Variants in GANAB observed in about 807,000 individuals in gnomAD.
GANAB encodes neutral alpha-glucosidase AB.
In GANAB, 35 loss-of-function variants were observed where a neutral mutation model predicts 129.9. The ratio of observed to expected loss-of-function variants is 0.27; its 90% CI spans 0.21 to 0.36. The LOEUF (loss-of-function observed/expected upper bound fraction) is 0.36. GANAB is among the 10% of genes least tolerant of loss of function. The pLI is 1.00. For synonymous variants in GANAB, 482 were observed against 451.8 expected (o/e 1.07, Z -0.85); for missense variants, 939 against 1,221.0 (o/e 0.77, Z 3.44).
chr11:62,636,893 C>T (rs181406684), intron 4 of GANAB, among the ~76,000 whole-genome samples: 11 of 152,196 alleles, frequency 7.2e-5, no homozygotes, highest in Admixed American at 1.3e-4. Context: ...CACTACTGCA[C>T]TCAGCCTAAG....
chr11:62,633,763 CTG>C, intron 5 of GANAB: 1 of 567,240 alleles, frequency 1.8e-6, no homozygotes, highest in African/African-American at 1.9e-5. Flanking sequence ...ACACCAGCCT[CTG>C]TCAACATCCC....
intron 1 of GANAB, among the ~76,000 whole-genome samples, chr11:62,645,631 G>A (rs146418574): frequency 1.3e-5 from 2 of 152,180 alleles, no homozygotes; most frequent in African/African-American, 2.4e-5. Context: ...TGCCAATGGA[G>A]ATAGGATTCC....
rs2134530276 is a variant in GANAB, at chr11:62,639,223, C to A, written c.253-113G>T. The A allele has an allele frequency of 2.2e-6, 3 of 1,336,562 alleles. No individual in the cohort carries two copies. In the South Asian group the frequency reaches 3.6e-5, roughly 16 times the overall value. 82.8% of individuals were successfully genotyped at this position (1,336,562 alleles called of 1,614,324 possible). On this transcript the variant is annotated intron_variant, in intron 3 of 23. Coordinates refer to ENST00000356638, the MANE Select transcript of GANAB (RefSeq NM_198334.3). ...TTCCTTTGAGCCCTTTGCCTAAAGGCCAAGATCACATTTCTTCATAAAGTA... is the reference window on the plus strand; with the variant it reads ...TTCCTTTGAGCCCTTTGCCTAAAGGACAAGATCACATTTCTTCATAAAGTA...
At chr11:62,634,167 G>A (rs1169316113) in intron 5 of GANAB, 4 of 617,862 alleles carry the variant, frequency 6.5e-6, no homozygotes, top group Non-Finnish European at 1.2e-5. Flanking sequence ...AGGGTAACAG[G>A]TAACAGGACC....
intron 18 of GANAB, 81 bp downstream of exon 18, chr11:62,627,208 A>G (rs1943434427): frequency 7.2e-7 from 1 of 1,394,164 alleles, no homozygotes; most frequent in African/African-American, 1.4e-5. Flanking sequence ...CTGCACCACC[A>G]GCTTCACTAG....
At position 62,631,383 on chromosome 11, in the gene GANAB, C is replaced by T. The variant is rs545953315; in HGVS notation, c.997-200G>A. Among the ~76,000 whole-genome samples, 139 of 152,082 alleles carry T rather than the reference C, an allele frequency of 9.1e-4. 1 individual carries two copies. Among genetic ancestry groups the T allele is most frequent in the Non-Finnish European group, 1.8e-4 (12 of 67,946 alleles). ...AGCAGTACAGCCCCCACCCCTACCCCACCAGTTTGGGGTGGTTAAGTGCTA... is the reference window on the plus strand; with the variant it reads ...AGCAGTACAGCCCCCACCCCTACCCTACCAGTTTGGGGTGGTTAAGTGCTA... On this transcript the variant is annotated intron_variant, in intron 9 of 23. Transcript: ENST00000356638.
rs1590787956 is a variant in GANAB, at chr11:62,625,473, T to C, written c.*342A>G. 1 of 400,750 alleles carries C rather than the reference T, an allele frequency of 2.5e-6. No individual in the cohort carries two copies. Among genetic ancestry groups the C allele is most frequent in the East Asian group, 6.0e-5 (1 of 16,720 alleles). The allele number at this position is 400,750 out of a possible 1,614,324, so 24.8% of individuals were successfully genotyped here. A position where few individuals can be genotyped will look rare whatever the true frequency, so the allele number is the denominator to read the frequency against. On this transcript the variant is annotated 3_prime_UTR_variant, in exon 24 of 24. Coordinates refer to ENST00000356638, the MANE Select transcript of GANAB (RefSeq NM_198334.3). ...ATACAAGAGGCATGAATGGATAGAC[T>C]CTGGGGGAGTTCAGGGCTCCTAAAT...
intron 4 of GANAB, among the ~76,000 whole-genome samples, chr11:62,638,570 A>G (rs1944054459): frequency 6.7e-6 from 1 of 149,574 alleles, no homozygotes; most frequent in African/African-American, 2.5e-5. Context: ...ATATCTAAGG[A>G]AAAGGAAAGG....
chr11:62,645,383 A>G (rs1944432886), intron 1 of GANAB, among the ~76,000 whole-genome samples: 2 of 152,104 alleles, frequency 1.3e-5, no homozygotes, highest in Non-Finnish European at 2.9e-5. Flanking sequence ...AAAAATACAA[A>G]AAAATAGCCA....
In GANAB at chr11:62,625,758, A is replaced by G. The variant is rs1255391460; in HGVS notation, c.*57T>C. 4.2e-5 allele frequency: 45 copies of G among 1,081,796 alleles called. No homozygotes were observed. The highest frequency in any genetic ancestry group is 5.6e-5 in the Non-Finnish European group (39 of 698,942). 67.0% of individuals were successfully genotyped at this position (1,081,796 alleles called of 1,614,324 possible). A position where few individuals can be genotyped will look rare whatever the true frequency, so the allele number is the denominator to read the frequency against. On this transcript the variant is annotated 3_prime_UTR_variant, in exon 24 of 24. Coordinates refer to ENST00000356638, the MANE Select transcript of GANAB (RefSeq NM_198334.3). ...GCCGAACTCCAAGGCAGAAGAAAGAATATCTCTCAGCACTAATGCTCCCCT... is the reference window on the plus strand; with the variant it reads ...GCCGAACTCCAAGGCAGAAGAAAGAGTATCTCTCAGCACTAATGCTCCCCT...
At chr11:62,635,078 A>T in intron 4 of GANAB, 78 bp from the exon 5 acceptor site, 2 of 1,031,566 alleles carry the variant, frequency 1.9e-6, no homozygotes, top group Admixed American at 3.9e-5. Context: ...GACCGGGGGA[A>T]ATCTACCTGT....
At chr11:62,638,761 G>A (rs926104872) in intron 4 of GANAB, among the ~76,000 whole-genome samples, 39 of 152,130 alleles carry the variant, frequency 2.6e-4, no homozygotes, top group African/African-American at 9.4e-4. Context: ...GCCTGTCAGG[G>A]AGGAAAAAGC....
rs761031709 is a variant in GANAB at position 62,628,782 on chromosome 11, T to C, written c.2167A>G (p.Ile723Val). 7.4e-6 allele frequency: 12 copies of C among 1,613,830 alleles called. No homozygotes were observed. The Admixed American group carries it at 1.8e-4, about 25-fold the overall frequency. Residue 723 changes from isoleucine (I) to valine (V), a missense_variant, in exon 17 of 24, where the codon ATT becomes GTT. Coordinates refer to ENST00000356638, the MANE Select transcript of GANAB (RefSeq NM_198334.3). ...TGAATGCCTCACCTCATGACAGGAATGCCTTCCCGATGGGCCTGATATAAG... is the reference window on the plus strand; with the variant it reads ...TGAATGCCTCACCTCATGACAGGAACGCCTTCCCGATGGGCCTGATATAAG... ...TLLYQAHREGIPVMRPLWVQY... is the reference protein window; with the variant it reads ...TLLYQAHREGVPVMRPLWVQY...
rs770321873 is a variant in GANAB at position 62,625,295 on chromosome 11, G to C, written c.*520C>G. 2.2e-6 allele frequency: 1 copy of C among 456,384 alleles called. No homozygotes were observed. Among genetic ancestry groups the C allele is most frequent in the African/African-American group, 2.0e-5 (1 of 50,178 alleles). 28.3% of individuals were successfully genotyped at this position (456,384 alleles called of 1,614,324 possible). ...CCTTTGATCCATTCATCCTGTCCGG[G>C]GTAAGGGGTGGTCCCAGTGTATCGG... is the stretch of plus-strand genomic sequence containing the variant. On this transcript the variant is annotated 3_prime_UTR_variant, in exon 24 of 24. Transcript: ENST00000356638.
chr11:62,627,881 C>T (rs1590794527), intron 17 of GANAB, among the ~76,000 whole-genome samples: 1 of 152,226 alleles, frequency 6.6e-6, no homozygotes, highest in African/African-American at 2.4e-5. Context: ...TCTTCTCTGC[C>T]CTCTACTGAA....
In GANAB at chr11:62,625,851, G is replaced by A. The variant is rs145576494; in HGVS notation, c.2799C>T (p.Ile933=). Residue 933 remains isoleucine (I), a synonymous_variant, in exon 24 of 24, where the codon ATC becomes ATT. Transcript: ENST00000356638. The part of the protein sequence containing the change: ...TSVLVLRKPG[I]NVASDWSIHL... ...GAATACTCCAATCAGATGCCACATTGATGCCAGGCTTGCGCAGGACCAACA... is the reference window on the plus strand; with the variant it reads ...GAATACTCCAATCAGATGCCACATTAATGCCAGGCTTGCGCAGGACCAACA... 1 of 1,613,186 alleles carries A rather than the reference G, an allele frequency of 6.2e-7. No individual in the cohort carries two copies. Among genetic ancestry groups the A allele is most frequent in the African/African-American group, 1.3e-5 (1 of 74,880 alleles).
intron 4 of GANAB, among the ~76,000 whole-genome samples, chr11:62,637,565 T>C (rs1048135213): frequency 1.3e-5 from 2 of 152,190 alleles, no homozygotes; most frequent in Non-Finnish European, 2.9e-5. Flanking sequence ...AGGAGACATG[T>C]ACAAGAAGGT....
intron 22 of GANAB, 55 bp from the exon 23 acceptor site, chr11:62,626,220 A>T: frequency 7.1e-7 from 1 of 1,408,784 alleles, no homozygotes; most frequent in Non-Finnish European, 1.0e-6. Context: ...GAACAGAAGG[A>T]AGGAGGAGAC....
chr11:62,637,306 G>A (rs536422972), intron 4 of GANAB, among the ~76,000 whole-genome samples: 6 of 152,302 alleles, frequency 3.9e-5, no homozygotes, highest in African/African-American at 1.4e-4. Flanking sequence ...AAGGCTGGCC[G>A]GGTGTGGTGG....
Sources: allele counts gnomAD v4.1 joint callset (sites outside exome capture counted in the v4.1 genomes callset), GRCh38; gene constraint gnomAD v4.1.1; transcripts MANE v1.5; gene names NCBI Gene and HGNC (gene_info 2026-07-23, HGNC 2026-07-21).